WNT8A: variants seen among roughly 807,000 people sequenced by gnomAD.
WNT8A encodes the protein protein Wnt-8a.
WNT8A carries 14 observed loss-of-function variants against 20.5 expected under a neutral mutation model. That is an observed-to-expected ratio of 0.68 (90% confidence interval 0.45 to 1.07). WNT8A has a LOEUF of 1.07. Among genes scored for constraint, WNT8A ranks in the 50% least tolerant of loss-of-function variants. The pLI is 0.00. For synonymous variants in WNT8A, 167 were observed against 169.2 expected (o/e 0.99, Z 0.10); for missense variants, 397 against 462.9 (o/e 0.86, Z 1.31).
upstream of WNT8A, among the ~76,000 whole-genome samples, chr5:138,079,320 TATATTAATTATATA>T (rs1035633778): frequency 4.2e-5 from 2 of 48,032 alleles, no homozygotes; most frequent in African/African-American, 1.1e-4. Context: ...TTATTAATTA[TATATTAATTATATA>T]ATAATTATAT....
chr5:138,081,348 T>G (rs1750507598), upstream of WNT8A, among the ~76,000 whole-genome samples: 1 of 152,142 alleles, frequency 6.6e-6, no homozygotes, highest in East Asian at 1.9e-4. Flanking sequence ...TATTTTTTTG[T>G]AGAGTACCAA....
upstream of WNT8A, chr5:138,083,875 GC>G (rs1750571283): frequency 2.1e-6 from 1 of 486,424 alleles, no homozygotes; most frequent in Non-Finnish European, 3.6e-6. Context: ...GCAGGGCGGG[GC>G]TTTTGGCGAA....
intron 2 of WNT8A, 65 bp from the exon 3 acceptor site, chr5:138,087,741 C>T (rs988683955): frequency 2.0e-6 from 3 of 1,512,152 alleles, no homozygotes; most frequent in Non-Finnish European, 2.7e-6. Flanking sequence ...TATTATTTTT[C>T]CAAAGCCTCT....
chr5:138,083,755 CA>C (rs1006932797), upstream of WNT8A: 8 of 225,390 alleles, frequency 3.5e-5, no homozygotes, highest in Non-Finnish European at 5.2e-5. Context: ...AGAAATGGGC[CA>C]AAGAAGCAGG....
chr5:138,086,595 A>G (rs1750670261), intron 2 of WNT8A, among the ~76,000 whole-genome samples: 2 of 151,988 alleles, frequency 1.3e-5, no homozygotes, highest in Non-Finnish European at 2.9e-5. Context: ...AAAAATATGC[A>G]TTGTTCTTTC....
rs1266513393 is a variant in WNT8A at position 138,091,270 on chromosome 5, G to A, written c.*197G>A. 6.4e-7 allele frequency: 1 copy of A among 1,571,358 alleles called. No homozygotes were observed. Among genetic ancestry groups the A allele is most frequent in the East Asian group, 2.3e-5 (1 of 42,910 alleles). On this transcript the variant is annotated 3_prime_UTR_variant, in exon 5 of 5. Coordinates refer to ENST00000506684, the MANE Select transcript of WNT8A (RefSeq NM_001300939.2). Reference sequence around the variant, plus strand: ...CCTGGCGGGGCTGAAATTGGAACCTGGGCCTCCTGACTTTGGCAGACCCCC... The same window carrying A: ...CCTGGCGGGGCTGAAATTGGAACCTAGGCCTCCTGACTTTGGCAGACCCCC...
Position 138,088,905 on chromosome 5 carries a change from C to T in WNT8A, c.422-22C>T, listed in dbSNP as rs200134195. Reference sequence around the variant, plus strand: ...ACTGAGCATGGAGCTACACGGAGAACTTATTCTGTCCTTGTATATAGGAGG... The same window carrying T: ...ACTGAGCATGGAGCTACACGGAGAATTTATTCTGTCCTTGTATATAGGAGG... On this transcript the variant is annotated intron_variant, in intron 3 of 4. Coordinates refer to ENST00000506684, the MANE Select transcript of WNT8A (RefSeq NM_001300939.2). The T allele has an allele frequency of 7.4e-6, 12 of 1,612,254 alleles. No homozygotes were observed. In the African/African-American group the frequency reaches 1.2e-4, roughly 16 times the overall value.
At position 138,091,057 on chromosome 5, in the gene WNT8A, GTAAGGGCAGTGCCTGA is replaced by G; in HGVS notation, c.1098_*3del. On this transcript the variant is annotated frameshift_variant and stop_lost, in exon 5 of 5. Transcript: ENST00000506684. LOFTEE classifies it high-confidence loss of function. ...TCCCCAGGCAGTGCCCAGTCCCTGG[GTAAGGGCAGTGCCTGA>G]TAATACCCCACACAAGTTCACTTGA... 2 of 1,612,068 alleles carry G rather than the reference GTAAGGGCAGTGCCTGA, an allele frequency of 1.2e-6. No individual in the cohort carries two copies. Among genetic ancestry groups the G allele is most frequent in the Non-Finnish European group, 1.7e-6 (2 of 1,178,796 alleles).
At chr5:138,078,912 T>G in the WNT8A span, among the ~76,000 whole-genome samples, 1 of 152,174 alleles carries the variant, frequency 6.6e-6, no homozygotes, top group African/African-American at 2.4e-5. Context: ...CCTGGAACAT[T>G]AGAGGTGGAA....
Position 138,085,554 on chromosome 5 carries a change from C to T in WNT8A, c.295+918C>T, listed in dbSNP as rs151182336. On this transcript the variant is annotated intron_variant, in intron 2 of 4. Coordinates refer to ENST00000506684, the MANE Select transcript of WNT8A (RefSeq NM_001300939.2). ...GTTAGGGGAACGAGAGTAAAGAAGA[C>T]GGAGAAAGTGGCTAAGCACGTGTTG... Among the ~76,000 whole-genome samples the T allele has an allele frequency of 3.2e-3, 491 of 152,108 alleles. 2 individuals are homozygous for T. Among genetic ancestry groups the T allele is most frequent in the Non-Finnish European group, 4.5e-3 (305 of 68,000 alleles).
At chr5:138,081,052 G>A (rs911759293), upstream of WNT8A, among the ~76,000 whole-genome samples, 1 of 151,846 alleles carries the variant, frequency 6.6e-6, no homozygotes, top group Non-Finnish European at 1.5e-5. Flanking sequence ...CCATCCTGGC[G>A]AACACAGTGA....
chr5:138,082,966 A>G (rs1750548035), upstream of WNT8A, among the ~76,000 whole-genome samples: 1 of 152,008 alleles, frequency 6.6e-6, no homozygotes, highest in African/African-American at 2.4e-5. Context: ...CTGAAGTCCT[A>G]GTAACAAAGT....
chr5:138,090,867 A>C lies in WNT8A; in HGVS notation c.904A>C (p.Arg302=). ...ECLQNSHNTS[R]WERRSCGRLC... The stretch of plus-strand genomic sequence containing the variant: ...CCTACAGAACAGCCACAACACATCC[A>C]GGTGGGAGCGACGTAGCTGTGGGCG... The change falls in exon 5 of 5, where the codon AGG becomes CGG. Residue 302 remains arginine (R), a synonymous_variant. Transcript: ENST00000506684. The C allele has an allele frequency of 6.2e-7, 1 of 1,614,200 alleles. No individual in the cohort carries two copies. Among genetic ancestry groups the C allele is most frequent in the Non-Finnish European group, 8.5e-7 (1 of 1,180,022 alleles).
rs1392479016 is a variant in WNT8A, at chr5:138,084,049, T to G, written c.-79T>G. 3.8e-6 allele frequency: 6 copies of G among 1,591,526 alleles called. No homozygotes were observed. In the African/African-American group the frequency reaches 8.1e-5, roughly 21 times the overall value. On this transcript the variant is annotated 5_prime_UTR_variant, in exon 1 of 5. Coordinates refer to ENST00000506684, the MANE Select transcript of WNT8A (RefSeq NM_001300939.2). ...TGCCCTCTCCTCACTTCTCTGGACT[T>G]GGCCCTGAGCTGGACCTGGTCCACT... is the stretch of plus-strand genomic sequence containing the variant.
chr5:138,077,382 A>G, the WNT8A span, among the ~76,000 whole-genome samples: 1 of 152,188 alleles, frequency 6.6e-6, no homozygotes, highest in Admixed American at 6.5e-5. Flanking sequence ...TCACTGTACT[A>G]TTAAAAATAA....
rs1481084382 is a variant in WNT8A, at chr5:138,090,735, G to A, written c.772G>A (p.Ala258Thr). 3.1e-6 allele frequency: 5 copies of A among 1,614,094 alleles called. No individual in the cohort carries two copies. In the African/African-American group the frequency reaches 4.0e-5, roughly 13 times the overall value. Residue 258 changes from alanine to threonine, a missense_variant, in exon 5 of 5, where the codon GCC becomes ACC. Transcript: ENST00000506684. Reference protein sequence around the residue: ...SAEGHWVPAEAFLPSAEAELI... With the variant: ...SAEGHWVPAETFLPSAEAELI... ...CGAGGGCCACTGGGTGCCCGCTGAGGCCTTCCTTCCTAGCGCAGAGGCGGA... is the reference window on the plus strand; with the variant it reads ...CGAGGGCCACTGGGTGCCCGCTGAGACCTTCCTTCCTAGCGCAGAGGCGGA...
upstream of WNT8A, among the ~76,000 whole-genome samples, chr5:138,079,357 T>A (rs1010331044): frequency 5.4e-5 from 8 of 147,976 alleles, no homozygotes; most frequent in Non-Finnish European, 4.5e-5. Context: ...TAATTATATA[T>A]TAATTATAAT....
At chr5:138,083,149 C>T (rs902161864), upstream of WNT8A, among the ~76,000 whole-genome samples, 1 of 151,996 alleles carries the variant, frequency 6.6e-6, no homozygotes, top group African/African-American at 2.4e-5. Flanking sequence ...GGTGTGGTGG[C>T]TGGCACCTGT....
At chr5:138,085,713 G>A (rs970250721) in intron 2 of WNT8A, among the ~76,000 whole-genome samples, 2 of 151,886 alleles carry the variant, frequency 1.3e-5, no homozygotes, top group Non-Finnish European at 2.9e-5. Context: ...ATATTAGCCG[G>A]CATGGTAGCA....
Sources: allele counts gnomAD v4.1 joint callset (sites outside exome capture counted in the v4.1 genomes callset), GRCh38; gene constraint gnomAD v4.1.1; transcripts MANE v1.5; gene names NCBI Gene and HGNC (gene_info 2026-07-23, HGNC 2026-07-21).